Variants in ROBO2 observed in about 807,000 individuals in gnomAD.
ROBO2 encodes roundabout guidance receptor 2.
A neutral mutation model predicts 160.8 loss-of-function variants in ROBO2; 53 were observed. That is an observed-to-expected ratio of 0.33 (90% CI 0.26 to 0.41). The LOEUF is 0.41. Ranked by LOEUF, ROBO2 falls within the 10% of genes least tolerant of loss-of-function variation. The pLI is 1.00. For synonymous variants in ROBO2, 664 were observed against 611.7 expected, an observed-to-expected ratio of 1.09 and a Z score of -1.26; for missense variants, 1,577 against 1,722.4, an observed-to-expected ratio of 0.92 and a Z score of 1.49.
chr3:76,221,320 C>G (rs1703950594), intron 2 of ROBO2, among the ~76,000 whole-genome samples: 1 of 150,364 alleles, frequency 6.7e-6, no homozygotes, highest in Non-Finnish European at 1.5e-5. Flanking sequence ...GTGCCACTCT[C>G]ATTTTACAAG....
intron 2 of ROBO2, among the ~76,000 whole-genome samples, chr3:76,145,209 G>C (rs2071839514): frequency 6.6e-6 from 1 of 151,978 alleles, no homozygotes; most frequent in Non-Finnish European, 1.5e-5. Context: ...CTTGGAATCT[G>C]ACTTATTTTT....
intron 2 of ROBO2, among the ~76,000 whole-genome samples, chr3:76,532,209 T>A (rs936819089): frequency 2.0e-5 from 3 of 152,238 alleles, no homozygotes; most frequent in Admixed American, 6.5e-5. Context: ...AGCTGAATGC[T>A]GAATTCATAC....
chr3:77,511,719 T>C (rs1363745519), intron 5 of ROBO2, among the ~76,000 whole-genome samples: 1 of 151,906 alleles, frequency 6.6e-6, no homozygotes, highest in Non-Finnish European at 1.5e-5. Flanking sequence ...TTGTTTGGTT[T>C]GGCTAATTAA....
intron 2 of ROBO2, among the ~76,000 whole-genome samples, chr3:76,513,496 C>T (rs543594694): frequency 2.0e-5 from 3 of 152,274 alleles, no homozygotes; most frequent in Admixed American, 6.5e-5. Context: ...AGCTGGTCTA[C>T]AGGCTCACAC....
chr3:76,519,949 A>G (rs2081518417), intron 2 of ROBO2, among the ~76,000 whole-genome samples: 1 of 152,152 alleles, frequency 6.6e-6, no homozygotes, highest in African/African-American at 2.4e-5. Flanking sequence ...TCAGCCGAAA[A>G]GCCTAAGAAC....
At chr3:77,560,045 T>C (rs980570103) in intron 9 of ROBO2, among the ~76,000 whole-genome samples, 6 of 152,134 alleles carry the variant, frequency 3.9e-5, no homozygotes, top group Non-Finnish European at 8.8e-5. Context: ...ACTTGGGCCA[T>C]AGAGGTTAAT....
intron 2 of ROBO2, among the ~76,000 whole-genome samples, chr3:76,551,451 C>T (rs946186958): frequency 2.0e-5 from 3 of 152,040 alleles, no homozygotes; most frequent in African/African-American, 7.2e-5. Context: ...CCTCATTCAT[C>T]CTGGACGTGG....
intron 5 of ROBO2, among the ~76,000 whole-genome samples, chr3:77,499,309 C>T (rs957547779): frequency 1.3e-5 from 2 of 152,126 alleles, no homozygotes; most frequent in Admixed American, 1.3e-4. Flanking sequence ...GAAAATATGG[C>T]CCAGCAATGT....
At chr3:77,289,962 G>A (rs1183139369) in intron 2 of ROBO2, among the ~76,000 whole-genome samples, 1 of 151,920 alleles carries the variant, frequency 6.6e-6, no homozygotes, top group Non-Finnish European at 1.5e-5. Flanking sequence ...GATCACCCCA[G>A]ACATTAAGTA....
intron 2 of ROBO2, among the ~76,000 whole-genome samples, chr3:77,465,359 G>A (rs995389494): frequency 1.4e-4 from 21 of 152,134 alleles, no homozygotes; most frequent in African/African-American, 4.6e-4. Context: ...TAACTACAAT[G>A]TAGAGATTTG....
intron 2 of ROBO2, among the ~76,000 whole-genome samples, chr3:76,799,008 A>G (rs756833017): frequency 6.6e-6 from 1 of 152,062 alleles, no homozygotes; most frequent in South Asian, 2.1e-4. Flanking sequence ...AGGTCAGGAG[A>G]TGGAGACCAT....
intron 2 of ROBO2, among the ~76,000 whole-genome samples, chr3:76,291,625 A>G (rs1187968333): frequency 1.3e-5 from 2 of 151,836 alleles, no homozygotes; most frequent in East Asian, 3.9e-4. Context: ...GTTGGTTGTT[A>G]GTTTGAGATC....
At chr3:77,440,908 C>A (rs546059575) in intron 2 of ROBO2, among the ~76,000 whole-genome samples, 10 of 152,044 alleles carry the variant, frequency 6.6e-5, no homozygotes, top group Middle Eastern at 3.4e-3. Flanking sequence ...CACTATGCAC[C>A]CAGATTTAGA....
At chr3:76,268,662 C>T (rs565643718) in intron 2 of ROBO2, among the ~76,000 whole-genome samples, 34 of 152,160 alleles carry the variant, frequency 2.2e-4, no homozygotes, top group African/African-American at 7.0e-4. Flanking sequence ...AATAAAGTCA[C>T]GTTTGAATTA....
chr3:76,011,137 A>G (rs2066179617), intron 2 of ROBO2, among the ~76,000 whole-genome samples: 1 of 151,928 alleles, frequency 6.6e-6, no homozygotes, highest in African/African-American at 2.4e-5. Flanking sequence ...TACCATGTAT[A>G]CTCCCTTCAC....
chr3:77,589,316 T>C (rs997191595), intron 17 of ROBO2, among the ~76,000 whole-genome samples: 1 of 152,236 alleles, frequency 6.6e-6, no homozygotes, highest in East Asian at 1.9e-4. Context: ...ATTACTTCAA[T>C]GTTCAGGAAA....
chr3:77,244,523 G>C (rs1348442674), intron 2 of ROBO2, among the ~76,000 whole-genome samples: 1 of 152,098 alleles, frequency 6.6e-6, no homozygotes, highest in South Asian at 2.1e-4. Flanking sequence ...TAAAGTGAGA[G>C]ATCCTTCATA....
At chr3:76,867,545 G>C (rs373898975) in intron 2 of ROBO2, among the ~76,000 whole-genome samples, 1 of 152,100 alleles carries the variant, frequency 6.6e-6, no homozygotes, top group Non-Finnish European at 1.5e-5. Context: ...GACACTTTTC[G>C]TTAACACTGC....
intron 2 of ROBO2, among the ~76,000 whole-genome samples, chr3:77,284,464 C>T (rs1173701928): frequency 6.6e-6 from 1 of 152,126 alleles, no homozygotes; most frequent in Non-Finnish European, 1.5e-5. Flanking sequence ...AGGCCTCGTT[C>T]ACAATAGGTC....
Sources: gnomAD v4.1 joint callset for allele counts (sites outside exome capture counted in the v4.1 genomes callset) on GRCh38, gnomAD v4.1.1 for gene constraint, MANE v1.5 for transcripts, NCBI Gene and HGNC (gene_info 2026-07-23, HGNC 2026-07-21) for gene names.